Variants in COQ5 observed in about 807,000 individuals in gnomAD.
COQ5 encodes the protein 2-methoxy-6-polyprenyl-1,4-benzoquinol methylase, mitochondrial.
In COQ5, 27 loss-of-function variants were observed where a neutral mutation model predicts 40.5. That is an observed-to-expected ratio of 0.67 (90% CI 0.49 to 0.92). The LOEUF (loss-of-function observed/expected upper bound fraction) is 0.92, where lower values mean the gene tolerates loss of function less well. COQ5 is among the 40% of genes least tolerant of loss of function. The pLI is 0.00. For synonymous variants in COQ5, 141 were observed against 150.0 expected (o/e 0.94, Z 0.44); for missense variants, 409 against 406.4 (o/e 1.01, Z -0.06).
intron 2 of COQ5, among the ~76,000 whole-genome samples, chr12:120,521,560 C>A (rs1869657042): frequency 6.6e-6 from 1 of 151,950 alleles, no homozygotes; most frequent in African/African-American, 2.4e-5. Flanking sequence ...CCTATAATCC[C>A]AGCTACTCAG....
intron 3 of COQ5, among the ~76,000 whole-genome samples, chr12:120,511,155 G>T (rs1869120280): frequency 6.6e-6 from 1 of 151,704 alleles, no homozygotes; most frequent in South Asian, 2.1e-4. Flanking sequence ...TACTGGGGAG[G>T]CTGAGGCAGG....
In COQ5 at chr12:120,503,789, G is replaced by C. The variant is rs747315178; in HGVS notation, c.979C>G (p.Leu327Val). ...GCTCCATGATAGGAAAGGAATTAAA[G>C]TTTGAAGCCAGAATGAATGGCCACA... ...GIVAIHSGFK[L>V] is the part of the protein sequence containing the mutation. Residue 327 changes from leucine to valine, a missense_variant, in exon 7 of 7, where the codon CTT becomes GTT. Physicochemically the swap from Leu to Val is conservative, Grantham distance 32. Transcript: ENST00000288532. 4 of 1,612,488 alleles carry C rather than the reference G, an allele frequency of 2.5e-6. No individual in the cohort carries two copies. The highest frequency in any genetic ancestry group is 3.4e-6 in the Non-Finnish European group (4 of 1,178,596).
At chr12:120,525,765 A>T (rs1869907182) in intron 1 of COQ5, among the ~76,000 whole-genome samples, 1 of 151,894 alleles carries the variant, frequency 6.6e-6, no homozygotes, top group Admixed American at 6.6e-5. Flanking sequence ...TCTACTAAAA[A>T]TACAAAAAAA....
chr12:120,523,090 G>C (rs1161340800), intron 1 of COQ5: 4 of 357,436 alleles, frequency 1.1e-5, no homozygotes, highest in Non-Finnish European at 2.0e-5. Context: ...TGTAATCCCA[G>C]CACTTTGGGA....
chr12:120,527,839 T>G (rs958680843), intron 1 of COQ5, among the ~76,000 whole-genome samples: 94 of 150,948 alleles, frequency 6.2e-4, no homozygotes, highest in Non-Finnish European at 1.1e-3. Context: ...TACAAAAAAT[T>G]AGCCGGGCAT....
chr12:120,503,991 A>AC lies in COQ5; in HGVS notation c.860dup (p.Ser287ArgfsTer124). The stretch of plus-strand genomic sequence containing the variant: ...ATACCTGAGACGGAAACCTTCGGAT[A>AC]CTCTCTACAAGGTACTGATAGGACT... On this transcript the variant is annotated frameshift_variant, in exon 6 of 7. Transcript: ENST00000288532. LOFTEE classifies it high-confidence loss of function. The AC allele has an allele frequency of 6.2e-7, 1 of 1,612,598 alleles. No individual in the cohort carries two copies. Among genetic ancestry groups the AC allele is most frequent in the Non-Finnish European group, 8.5e-7 (1 of 1,178,614 alleles).
At chr12:120,516,916 T>C in intron 2 of COQ5, 128 bp from the exon 3 acceptor site, 4 of 827,376 alleles carry the variant, frequency 4.8e-6, no homozygotes, top group Non-Finnish European at 8.2e-6. Flanking sequence ...CTGGATGCAG[T>C]GTGGCTGAAA....
intron 1 of COQ5, among the ~76,000 whole-genome samples, chr12:120,525,668 T>C (rs1354471178): frequency 6.6e-6 from 1 of 152,024 alleles, no homozygotes; most frequent in Non-Finnish European, 1.5e-5. Flanking sequence ...CTCATGCCTA[T>C]AATCCCAGAA....
In COQ5 at chr12:120,524,872, G is replaced by A. The variant is rs1051029471; in HGVS notation, c.203-2509C>T. Among the ~76,000 whole-genome samples the A allele has an allele frequency of 2.0e-5, 3 of 151,238 alleles. No homozygotes were observed. In the East Asian group the frequency reaches 5.9e-4, roughly 30 times the overall value. On this transcript the variant is annotated intron_variant, in intron 1 of 6. Coordinates refer to ENST00000288532, the MANE Select transcript of COQ5 (RefSeq NM_032314.4). ...CTTGCTCTGTCACCCAGGCTGGAGT[G>A]CAGTGGCGTGATCTTGGCTCACTGT...
intron 2 of COQ5, among the ~76,000 whole-genome samples, chr12:120,520,829 A>C (rs1280865316): frequency 6.6e-6 from 1 of 151,878 alleles, no homozygotes; most frequent in East Asian, 1.9e-4. Flanking sequence ...TTTTCTCTCC[A>C]AATGCTCAGT....
chr12:120,529,082 C>G lies in COQ5; in HGVS notation c.60G>C (p.Ala20=), dbSNP rs1870101288. The G allele has an allele frequency of 1.2e-6, 2 of 1,614,036 alleles. No individual in the cohort carries two copies. The highest frequency in any genetic ancestry group is 1.7e-6 in the Non-Finnish European group (2 of 1,180,034). ...GCCCGAGGAGCTGGCAGCCCCGCAT[C>G]GCCCGCGACCACCCACGGCCGCAAT... ...WSYCGRGWSR[A]MRGCQLLGLR... is the part of the protein sequence containing the mutation. The change falls in exon 1 of 7, where the codon GCG becomes GCC. Residue 20 remains alanine, a synonymous_variant. Transcript: ENST00000288532.
rs973290455 is a variant in COQ5, at chr12:120,521,722, C to T, written c.352+492G>A. ...GGAAATGTGACAGGCAGACAGGCAC[C>T]GGCCAGGTTCATGCCTGTAATCCCA... On this transcript the variant is annotated intron_variant, in intron 2 of 6. Transcript: ENST00000288532. 2.0e-5 allele frequency among the ~76,000 whole-genome samples: 3 copies of T among 151,216 alleles called. No homozygotes were observed. The East Asian group carries it at 5.8e-4, about 29-fold the overall frequency.
chr12:120,523,759 T>C (rs1167698), intron 1 of COQ5: 129,603 of 230,148 alleles, frequency 0.56, 40,301 homozygotes, highest in East Asian at 0.77. Flanking sequence ...CCTGTAATCC[T>C]AGCACTTTGG....
intron 1 of COQ5, chr12:120,522,871 G>T (rs1869738594): frequency 2.8e-6 from 2 of 719,862 alleles, no homozygotes; most frequent in South Asian, 3.0e-5. Flanking sequence ...GGGATCTCGG[G>T]CTTAACCTCC....
intron 1 of COQ5, among the ~76,000 whole-genome samples, chr12:120,524,609 C>G (rs12099505): frequency 6.6e-5 from 10 of 152,082 alleles, no homozygotes; most frequent in Non-Finnish European, 7.4e-5. Flanking sequence ...GCCCGTAAGA[C>G]GGCTATATCA....
Position 120,525,912 on chromosome 12 carries a change from G to A in COQ5, c.202+3028C>T, listed in dbSNP as rs535873110. Among the ~76,000 whole-genome samples the A allele has an allele frequency of 6.7e-4, 100 of 148,440 alleles. 1 individual carries two copies. Among genetic ancestry groups the A allele is most frequent in the African/African-American group, 2.2e-3 (88 of 40,294 alleles). On this transcript the variant is annotated intron_variant, in intron 1 of 6. Transcript: ENST00000288532. The stretch of plus-strand genomic sequence containing the variant: ...CGCACTCCAGCCTGGGCGACAGAGC[G>A]AGACTCCATCTCCAAAAAAATAAAT...
intron 1 of COQ5, among the ~76,000 whole-genome samples, chr12:120,524,502 C>T (rs530925262): frequency 7.9e-5 from 12 of 152,112 alleles, no homozygotes; most frequent in Non-Finnish European, 1.8e-4. Context: ...CCTCGTGATC[C>T]GCCCGCCTCG....
intron 2 of COQ5, among the ~76,000 whole-genome samples, chr12:120,517,441 C>T (rs1027111659): frequency 2.0e-5 from 3 of 149,712 alleles, no homozygotes; most frequent in South Asian, 2.1e-4. Context: ...GAGGCCGAGG[C>T]GGTTGGATCA....
intron 1 of COQ5, among the ~76,000 whole-genome samples, chr12:120,525,816 T>G (rs1869911158): frequency 6.6e-6 from 1 of 151,870 alleles, no homozygotes; most frequent in Admixed American, 6.6e-5. Flanking sequence ...TCCCAGCTAC[T>G]CGGGAGGCTG....
Sources: gnomAD v4.1 joint callset for allele counts (sites outside exome capture counted in the v4.1 genomes callset) on GRCh38, gnomAD v4.1.1 for gene constraint, MANE v1.5 for transcripts, NCBI Gene and HGNC (gene_info 2026-07-23, HGNC 2026-07-21) for gene names.